The following CCDC134 variants were observed in gnomAD, a reference collection of about 807,000 sequenced individuals.
CCDC134 encodes coiled-coil domain-containing protein 134.
CCDC134 carries 27 observed loss-of-function variants against 25.6 expected under a neutral mutation model. The observed-to-expected ratio is 1.05, with a 90% CI of 0.78 to 1.45. The LOEUF (loss-of-function observed/expected upper bound fraction) is 1.45, where lower values mean the gene tolerates loss of function less well. Ranked by LOEUF, CCDC134 falls within the 40% of genes most tolerant of loss-of-function variation. The pLI is 0.00. For missense variants in CCDC134, 261 were observed against 286.7 expected (o/e 0.91, Z 0.65); for synonymous variants, 110 against 115.0 (o/e 0.96, Z 0.28).
At chr22:41,818,723 C>T (rs552823922) in intron 6 of CCDC134, among the ~76,000 whole-genome samples, 1 of 152,296 alleles carries the variant, frequency 6.6e-6, no homozygotes, top group South Asian at 2.1e-4. Context: ...GACGCATACC[C>T]CAAGGTTGCA....
intron 6 of CCDC134, among the ~76,000 whole-genome samples, chr22:41,814,878 C>T (rs1012271895): frequency 1.3e-5 from 2 of 152,298 alleles, no homozygotes. Context: ...ACGGAGGTGA[C>T]ACAGAGGGGC....
chr22:41,813,343 T>C lies in CCDC134; in HGVS notation c.390T>C (p.Phe130=). The C allele has an allele frequency of 6.2e-7, 1 of 1,614,204 alleles. No individual in the cohort carries two copies. The highest frequency in any genetic ancestry group is 8.5e-7 in the Non-Finnish European group (1 of 1,180,034). Residue 130 remains phenylalanine (F), a synonymous_variant, in exon 5 of 7, where the codon TTT becomes TTC. Coordinates refer to ENST00000255784, the MANE Select transcript of CCDC134 (RefSeq NM_024821.5). ...LRFPRIVHYY[F]DHNSNWNLLI... ...TCCCGAGGATTGTGCACTATTACTT[T>C]GACCACAACTCCAACTGGAACCTCC...
At chr22:41,812,494 T>A (rs2076601885) in intron 4 of CCDC134, among the ~76,000 whole-genome samples, 1 of 150,422 alleles carries the variant, frequency 6.6e-6, no homozygotes, top group Non-Finnish European at 1.5e-5. Context: ...TGTTATGTTA[T>A]GTTAAGTCCA....
chr22:41,821,743 G>A (rs2076652915), intron 6 of CCDC134, among the ~76,000 whole-genome samples: 1 of 152,150 alleles, frequency 6.6e-6, no homozygotes, highest in South Asian at 2.1e-4. Context: ...AGGTGAGGAG[G>A]GGTGAGTTGT....
rs548778312 is a variant in CCDC134, at chr22:41,825,641, C to T, written c.565-57C>T. Reference sequence around the variant, plus strand: ...CCCACACCCCGCTGGTGGCCTAGCTCAGAGCAGGCTCTTTGCTGCCACAGA... The same window carrying T: ...CCCACACCCCGCTGGTGGCCTAGCTTAGAGCAGGCTCTTTGCTGCCACAGA... On this transcript the variant is annotated intron_variant, in intron 6 of 6. Coordinates refer to ENST00000255784, the MANE Select transcript of CCDC134 (RefSeq NM_024821.5). The surrounding 1 kb of genome is among the most constrained non-coding windows in gnomAD (Gnocchi z 4.4). 34 of 1,607,032 alleles carry T rather than the reference C, an allele frequency of 2.1e-5. No homozygotes were observed. The East Asian group carries it at 6.3e-4, about 30-fold the overall frequency.
intron 1 of CCDC134, among the ~76,000 whole-genome samples, chr22:41,801,866 T>C (rs1194402124): frequency 6.6e-6 from 1 of 152,172 alleles, no homozygotes; most frequent in Non-Finnish European, 1.5e-5. Context: ...TAGTAACCTG[T>C]GTACGTATTT....
chr22:41,808,279 C>T (rs959541771), intron 1 of CCDC134, among the ~76,000 whole-genome samples: 2 of 152,078 alleles, frequency 1.3e-5, no homozygotes, highest in Non-Finnish European at 2.9e-5. Flanking sequence ...CCCCTTACCC[C>T]GAGACTGCCC....
In CCDC134 at chr22:41,827,312, C is replaced by T. The variant is rs1029002523; in HGVS notation, c.*1489C>T. On this transcript the variant is annotated 3_prime_UTR_variant, in exon 7 of 7. Coordinates refer to ENST00000255784, the MANE Select transcript of CCDC134 (RefSeq NM_024821.5). ...AGGCAGGGCAGTGTGGTGGGACTGA[C>T]TCAACAGACATAGTTTCATCTCCAC... Among the ~76,000 whole-genome samples the T allele has an allele frequency of 1.3e-5, 2 of 152,180 alleles. No homozygotes were observed. Among genetic ancestry groups the T allele is most frequent in the African/African-American group, 2.4e-5 (1 of 41,438 alleles).
At position 41,813,305 on chromosome 22, in the gene CCDC134, G is replaced by A. The variant is rs2076605918; in HGVS notation, c.352G>A (p.Val118Met). Residue 118 changes from valine to methionine, a missense_variant, in exon 5 of 7, where the codon GTG becomes ATG. By Grantham distance (21) the Val-to-Met change is conservative. Coordinates refer to ENST00000255784, the MANE Select transcript of CCDC134 (RefSeq NM_024821.5). ...GGAGAACACGGCCTTCTTCGGCGAT[G>A]TGGTGCTGCGCTTCCCGAGGATTGT... ...VVENTAFFGDVVLRFPRIVHY... is the reference protein window; with the variant it reads ...VVENTAFFGDMVLRFPRIVHY... The A allele has an allele frequency of 6.2e-7, 1 of 1,614,228 alleles. No individual in the cohort carries two copies. The highest frequency in any genetic ancestry group is 8.5e-7 in the Non-Finnish European group (1 of 1,180,040).
intron 1 of CCDC134, among the ~76,000 whole-genome samples, chr22:41,806,368 G>T (rs554028056): frequency 2.0e-5 from 3 of 151,822 alleles, no homozygotes; most frequent in Non-Finnish European, 4.4e-5. Flanking sequence ...ACAGGCACAT[G>T]CCTCCACGCC....
At position 41,813,321 on chromosome 22, in the gene CCDC134, C is replaced by T. The variant is rs376157287; in HGVS notation, c.368C>T (p.Pro123Leu). 14 of 1,614,144 alleles carry T rather than the reference C, an allele frequency of 8.7e-6. No individual in the cohort carries two copies. The highest frequency in any genetic ancestry group is 2.2e-5 in the East Asian group (1 of 44,880). The change falls in exon 5 of 7, where the codon CCG (proline) becomes CTG (leucine). Residue 123 changes from proline to leucine, a missense_variant. Pro to Leu is a moderately conservative substitution (Grantham distance 98). Coordinates refer to ENST00000255784, the MANE Select transcript of CCDC134 (RefSeq NM_024821.5). Reference protein sequence around the residue: ...AFFGDVVLRFPRIVHYYFDHN... With the variant: ...AFFGDVVLRFLRIVHYYFDHN... Reference sequence around the variant, plus strand: ...TTCGGCGATGTGGTGCTGCGCTTCCCGAGGATTGTGCACTATTACTTTGAC... The same window carrying T: ...TTCGGCGATGTGGTGCTGCGCTTCCTGAGGATTGTGCACTATTACTTTGAC...
At chr22:41,805,143 A>G (rs1447234456) in intron 1 of CCDC134, among the ~76,000 whole-genome samples, 2 of 152,198 alleles carry the variant, frequency 1.3e-5, no homozygotes, top group African/African-American at 4.8e-5. Flanking sequence ...AAGAATACTC[A>G]TGAATAGACC....
chr22:41,822,678 C>G (rs577854761), intron 6 of CCDC134, among the ~76,000 whole-genome samples: 1 of 152,172 alleles, frequency 6.6e-6, no homozygotes, highest in Non-Finnish European at 1.5e-5. Flanking sequence ...CTTGCCCTTG[C>G]CCAGCCAGAG....
chr22:41,809,413 C>T (rs1005560716), intron 2 of CCDC134, among the ~76,000 whole-genome samples: 1 of 152,160 alleles, frequency 6.6e-6, no homozygotes, highest in Admixed American at 6.5e-5. Flanking sequence ...AGTATCCAAA[C>T]AAATGATCAT....
chr22:41,810,564 C>T (rs914525663), intron 4 of CCDC134, among the ~76,000 whole-genome samples: 44 of 131,318 alleles, frequency 3.4e-4, no homozygotes, highest in Admixed American at 3.1e-3. Flanking sequence ...GGTGTGATCT[C>T]GGCTCACTGC....
rs150260340 is a variant in CCDC134, at chr22:41,830,947, G to A, written c.*5124G>A. Among the ~76,000 whole-genome samples the A allele has an allele frequency of 0.012, 1,693 of 142,302 alleles. 35 individuals are homozygous for A. Among genetic ancestry groups the A allele is most frequent in the African/African-American group, 0.044 (1,618 of 37,106 alleles). The allele number at this position is 142,302 out of a possible 152,430, so 93.4% of individuals were successfully genotyped here. On this transcript the variant is annotated 3_prime_UTR_variant, in exon 7 of 7. Transcript: ENST00000255784. ...GTTGCCCAGGCTGGAGTGCAATGGC[G>A]CGATCTCTGCTCACCGTAACTTCTG...
At chr22:41,817,767 T>TAAAA (rs1569357325) in intron 6 of CCDC134, among the ~76,000 whole-genome samples, 9 of 144,714 alleles carry the variant, frequency 6.2e-5, no homozygotes, top group African/African-American at 1.3e-4. Flanking sequence ...AATAAATAAA[T>TAAAA]AAAAAGAGAG....
Position 41,828,666 on chromosome 22 carries a change from C to T in CCDC134, c.*2843C>T, listed in dbSNP as rs1269863875. The stretch of plus-strand genomic sequence containing the variant: ...TGCTGAGTCTTACTGCAGACAGAGC[C>T]CACCCCCTGAGCTGTAAAGGCCCTA... On this transcript the variant is annotated 3_prime_UTR_variant, in exon 7 of 7. Coordinates refer to ENST00000255784, the MANE Select transcript of CCDC134 (RefSeq NM_024821.5). 6.6e-6 allele frequency among the ~76,000 whole-genome samples: 1 copy of T among 152,094 alleles called. No homozygotes were observed. The highest frequency in any genetic ancestry group is 1.5e-5 in the Non-Finnish European group (1 of 68,032).
chr22:41,808,378 T>C (rs2076578514), intron 1 of CCDC134, among the ~76,000 whole-genome samples: 1 of 152,070 alleles, frequency 6.6e-6, no homozygotes, highest in Admixed American at 6.6e-5. Context: ...ATATCTTCTC[T>C]GCCTGGGCTT....
Sources: gnomAD v4.1 joint callset for allele counts (sites outside exome capture counted in the v4.1 genomes callset) on GRCh38, gnomAD v4.1.1 for gene constraint, Gnocchi (gnomAD v3.1) non-coding constraint, MANE v1.5 for transcripts, NCBI Gene and HGNC (gene_info 2026-07-23, HGNC 2026-07-21) for gene names.